IPO5: variants seen among roughly 807,000 people sequenced by gnomAD.
The protein encoded by IPO5 is importin 5.
In IPO5, 18 loss-of-function variants were observed where a neutral mutation model predicts 143.3. The ratio of observed to expected loss-of-function variants is 0.13; its 90% CI spans 0.09 to 0.19. IPO5 has a LOEUF of 0.19. Ranked by LOEUF, IPO5 falls within the 10% of genes least tolerant of loss-of-function variation. IPO5 has a pLI of 1.00. For missense variants in IPO5, 1,013 were observed against 1,336.9 expected (o/e 0.76, Z 3.78); for synonymous variants, 477 against 465.7 (o/e 1.02, Z -0.31).
At chr13:98,014,776 C>T (rs1889989243) in intron 22 of IPO5, among the ~76,000 whole-genome samples, 1 of 151,344 alleles carries the variant, frequency 6.6e-6, no homozygotes, top group African/African-American at 2.4e-5. Context: ...CTTAATAATC[C>T]AACTATAGAA....
chr13:97,980,474 G>A (rs113546227), intron 4 of IPO5, among the ~76,000 whole-genome samples: 8 of 152,256 alleles, frequency 5.3e-5, no homozygotes, highest in Admixed American at 1.3e-4. Flanking sequence ...CAACAGTTCC[G>A]CCTGGGCAAG....
At chr13:97,966,296 G>A (rs1885333205) in intron 2 of IPO5, among the ~76,000 whole-genome samples, 1 of 152,054 alleles carries the variant, frequency 6.6e-6, no homozygotes, top group Non-Finnish European at 1.5e-5. Flanking sequence ...ATGAAGTTGA[G>A]GAAATTCCTC....
At chr13:97,974,309 CTT>C (rs200747505) in intron 3 of IPO5, among the ~76,000 whole-genome samples, 9 of 139,022 alleles carry the variant, frequency 6.5e-5, no homozygotes, top group Admixed American at 1.4e-4. Context: ...GTCTGAAATT[CTT>C]TTTTTTTTTT....
intron 6 of IPO5, among the ~76,000 whole-genome samples, chr13:97,987,385 G>C (rs2139673961): frequency 6.6e-6 from 1 of 152,180 alleles, no homozygotes; most frequent in African/African-American, 2.4e-5. Context: ...ACTACATTAT[G>C]ACACTAATTT....
rs1890538865 is a variant in IPO5, at chr13:98,022,165, TACTC to T, written c.*345_*348del. On this transcript the variant is annotated 3_prime_UTR_variant, in exon 29 of 29. Transcript: ENST00000651721. ...AAGGAAAAACAGCTTTAAGAACAGTTACTCAGCGTAGATGTGTGTTCACACAAAT... is the reference window on the plus strand; with the variant it reads ...AAGGAAAAACAGCTTTAAGAACAGTTAGCGTAGATGTGTGTTCACACAAAT... 1 of 182,670 alleles carries T rather than the reference TACTC, an allele frequency of 5.5e-6. No homozygotes were observed. Among genetic ancestry groups the T allele is most frequent in the African/African-American group, 2.3e-5 (1 of 43,524 alleles). The allele number at this position is 182,670 out of a possible 1,614,324, so 11.3% of individuals were successfully genotyped here. A position where few individuals can be genotyped will look rare whatever the true frequency, so the allele number is the denominator to read the frequency against.
intron 2 of IPO5, among the ~76,000 whole-genome samples, chr13:97,968,185 AT>A (rs1885514531): frequency 6.6e-6 from 1 of 152,268 alleles, no homozygotes; most frequent in African/African-American, 2.4e-5. Context: ...TCTCTTGTGA[AT>A]TTCTCAAATT....
chr13:97,983,715 T>G (rs892177468), intron 5 of IPO5, among the ~76,000 whole-genome samples: 18 of 152,114 alleles, frequency 1.2e-4, no homozygotes, highest in African/African-American at 4.3e-4. Flanking sequence ...TAGCAAACTG[T>G]ATATAAAATG....
At chr13:98,014,830 A>C (rs867828499) in intron 22 of IPO5, among the ~76,000 whole-genome samples, 53 of 142,724 alleles carry the variant, frequency 3.7e-4, no homozygotes, top group African/African-American at 1.3e-3. Context: ...ACTTTCCTCA[A>C]TTCTTCTCTT....
intron 4 of IPO5, 117 bp downstream of exon 4, chr13:97,976,903 G>T (rs925385436): frequency 1.0e-5 from 2 of 192,880 alleles, no homozygotes; most frequent in African/African-American, 2.4e-5. Flanking sequence ...GGGCCCGGCG[G>T]GCGGCGGCCG....
intron 26 of IPO5, among the ~76,000 whole-genome samples, 162 bp from the exon 27 acceptor site, chr13:98,019,419 C>T (rs1464196873): frequency 1.3e-5 from 2 of 152,224 alleles, no homozygotes; most frequent in African/African-American, 4.8e-5. Flanking sequence ...AGTCCCCCCT[C>T]TGTTGCCATT....
chr13:97,997,946 AT>A (rs1888439068), intron 12 of IPO5, among the ~76,000 whole-genome samples: 1 of 152,268 alleles, frequency 6.6e-6, no homozygotes, highest in African/African-American at 2.4e-5. Flanking sequence ...AAAAAAAAGT[AT>A]GACATGAAAA....
intron 20 of IPO5, among the ~76,000 whole-genome samples, chr13:98,010,464 G>A (rs1889602548): frequency 6.6e-6 from 1 of 152,108 alleles, no homozygotes; most frequent in Admixed American, 6.6e-5. Flanking sequence ...ATGAATTACT[G>A]TGCCTTGGAG....
chr13:98,021,592 TCTTG>T, intron 28 of IPO5, 140 bp from the exon 29 acceptor site: 2 of 439,680 alleles, frequency 4.5e-6, no homozygotes. Flanking sequence ...TGAACAGATT[TCTTG>T]CTTTTACAAT....
rs769782112 is a variant in IPO5 at position 97,982,594 on chromosome 13, A to G, written c.171+11A>G. On this transcript the variant is annotated intron_variant, in intron 5 of 28. Coordinates refer to ENST00000651721, the MANE Select transcript of IPO5 (RefSeq NM_002271.6). Reference sequence around the variant, plus strand: ...ACAGCTGCTGAAGAGGTACTACCTTAATATTTGTGACTATTACATTCTTAG... The same window carrying G: ...ACAGCTGCTGAAGAGGTACTACCTTGATATTTGTGACTATTACATTCTTAG... 6.7e-7 allele frequency: 1 copy of G among 1,490,616 alleles called. No individual in the cohort carries two copies. The highest frequency in any genetic ancestry group is 9.3e-7 in the Non-Finnish European group (1 of 1,070,014). 92.3% of individuals were successfully genotyped at this position (1,490,616 alleles called of 1,614,324 possible).
At chr13:98,000,841 T>C in intron 13 of IPO5, 196 bp downstream of exon 13, 1 of 556,748 alleles carries the variant, frequency 1.8e-6, no homozygotes, top group Non-Finnish European at 3.2e-6. Flanking sequence ...CAAAAGTATT[T>C]AGATTTGAAT....
At chr13:98,000,234 G>A (rs376227363) in intron 12 of IPO5, among the ~76,000 whole-genome samples, 10 of 151,938 alleles carry the variant, frequency 6.6e-5, no homozygotes, top group Admixed American at 2.6e-4. Flanking sequence ...GCAGTGAGCC[G>A]AGATCGTGCC....
chr13:98,015,385 T>G, intron 22 of IPO5, 145 bp from the exon 23 acceptor site: 1 of 604,428 alleles, frequency 1.7e-6, no homozygotes, highest in Non-Finnish European at 2.9e-6. Context: ...GCTGTCATTC[T>G]AACAAATACA....
chr13:98,015,459 T>C (rs1890063916), intron 22 of IPO5, 71 bp from the exon 23 acceptor site: 1 of 774,186 alleles, frequency 1.3e-6, no homozygotes, highest in Non-Finnish European at 2.2e-6. Flanking sequence ...ATATGATTCT[T>C]AGTGGAGTTT....
At chr13:97,958,199 CT>C (rs1471501177) in intron 2 of IPO5, among the ~76,000 whole-genome samples, 2 of 152,156 alleles carry the variant, frequency 1.3e-5, no homozygotes, top group African/African-American at 4.8e-5. Flanking sequence ...ACTTCCACAA[CT>C]TTAAATGCCA....
Sources: allele counts gnomAD v4.1 joint callset (sites outside exome capture counted in the v4.1 genomes callset), GRCh38; gene constraint gnomAD v4.1.1; transcripts MANE v1.5; gene names NCBI Gene and HGNC (gene_info 2026-07-23, HGNC 2026-07-21).